DOCK8: variants seen among roughly 807,000 people sequenced by gnomAD.
The protein encoded by DOCK8 is dedicator of cytokinesis protein 8.
Under a neutral mutation model 245.6 loss-of-function variants are expected in DOCK8, and 141 were observed. The observed-to-expected ratio is 0.57, with a 90% CI of 0.50 to 0.66. The LOEUF (loss-of-function observed/expected upper bound fraction) is 0.66, where lower values mean the gene tolerates loss of function less well. Among genes scored for constraint, DOCK8 ranks in the 30% least tolerant of loss-of-function variants. DOCK8 has a pLI of 0.00. For synonymous variants in DOCK8, 1,168 were observed against 970.2 expected (o/e 1.20, Z -3.79); for missense variants, 2,965 against 2,603.4 (o/e 1.14, Z -3.02).
intron 26 of DOCK8, among the ~76,000 whole-genome samples, chr9:400,044 C>CACCACCAGCA (rs796538594): frequency 2.2e-5 from 2 of 92,748 alleles, no homozygotes; most frequent in Non-Finnish European, 4.4e-5. Flanking sequence ...CCACCACCAC[C>CACCACCAGCA]TCCACCATCA....
At position 336,711 on chromosome 9, in the gene DOCK8, T is replaced by A; in HGVS notation, c.1415T>A (p.Phe472Tyr). ...TCCACTCTGAGCGTTAGCAGCTTTT[T>A]CAAGCAGGTATCTCTTCACATTACA... ...KTSTLSVSSF[F>Y]KQEGDRLSDE... is the part of the protein sequence containing the mutation. The change falls in exon 12 of 48, where the codon TTC becomes TAC. Residue 472 changes from phenylalanine to tyrosine, a missense_variant. Around this residue, in one of 3 missense-constraint regions of DOCK8, gnomAD observed 2,825 missense variants for 2,453.5 expected, o/e 1.15. Coordinates refer to ENST00000432829, the MANE Select transcript of DOCK8 (RefSeq NM_203447.4). 1.2e-6 allele frequency: 2 copies of A among 1,614,024 alleles called. No homozygotes were observed. The highest frequency in any genetic ancestry group is 1.7e-6 in the Non-Finnish European group (2 of 1,179,932).
rs190773447 is a variant in DOCK8, at chr9:323,482, A to G, written c.828-2189A>G. ...ATGATCCGCTTGCCTCGGCCTCCCA[A>G]AGTGCTGGGATTACAGGCATGAGCC... On this transcript the variant is annotated intron_variant, in intron 7 of 47. Transcript: ENST00000432829. 1.4e-3 allele frequency among the ~76,000 whole-genome samples: 209 copies of G among 152,152 alleles called. 1 individual carries two copies. Among genetic ancestry groups the G allele is most frequent in the African/African-American group, 4.8e-3 (200 of 41,514 alleles).
intron 7 of DOCK8, among the ~76,000 whole-genome samples, chr9:324,704 C>G (rs544875995): frequency 3.9e-5 from 6 of 152,302 alleles, no homozygotes; most frequent in African/African-American, 1.2e-4. Context: ...TCATCCCCAT[C>G]AAAACCCAGC....
chr9:414,122 A>G (rs1210179548), intron 28 of DOCK8, among the ~76,000 whole-genome samples: 1 of 138,684 alleles, frequency 7.2e-6, no homozygotes, highest in Non-Finnish European at 1.5e-5. Context: ...AGCCTGAACA[A>G]CTCCATGTCA....
At chr9:333,431 C>G (rs896162027) in intron 10 of DOCK8, among the ~76,000 whole-genome samples, 4 of 151,840 alleles carry the variant, frequency 2.6e-5, no homozygotes, top group Non-Finnish European at 5.9e-5. Flanking sequence ...GAAACCCCGT[C>G]TCTGCTAAAA....
At chr9:432,759 A>C (rs142490784) in intron 37 of DOCK8, among the ~76,000 whole-genome samples, 44 of 152,282 alleles carry the variant, frequency 2.9e-4, no homozygotes, top group African/African-American at 3.4e-4. Flanking sequence ...AATTGTGAGT[A>C]GTTGAAACAA....
chr9:244,472 T>C (rs2047457390), intron 1 of DOCK8, among the ~76,000 whole-genome samples: 1 of 152,086 alleles, frequency 6.6e-6, no homozygotes, highest in South Asian at 2.1e-4. Context: ...GAGCACTCTC[T>C]ACTGTTTCTT....
intron 14 of DOCK8, among the ~76,000 whole-genome samples, chr9:361,726 G>A (rs1038048541): frequency 2.0e-5 from 3 of 152,052 alleles, no homozygotes; most frequent in Non-Finnish European, 4.4e-5. Flanking sequence ...TAAAAAAGGC[G>A]TAGATTTCAT....
chr9:347,816 A>T (rs1304633412), intron 14 of DOCK8, among the ~76,000 whole-genome samples: 1 of 152,176 alleles, frequency 6.6e-6, no homozygotes, highest in Non-Finnish European at 1.5e-5. Flanking sequence ...GAATGAAAAA[A>T]TTCAGGAGGG....
Position 406,933 on chromosome 9 carries a change from T to C in DOCK8, c.3394T>C (p.Ser1132Pro). Reference protein sequence around the residue: ...SPCPSISSQNSSSCSSFQDQK... With the variant: ...SPCPSISSQNPSSCSSFQDQK... ...ATGGCTCCTTACGTTTCTGTAGAACTCAAGCTCCTGCTCCAGCTTCCAGGA... is the reference window on the plus strand; with the variant it reads ...ATGGCTCCTTACGTTTCTGTAGAACCCAAGCTCCTGCTCCAGCTTCCAGGA... Residue 1132 changes from serine (S) to proline (P), a missense_variant, in exon 28 of 48, where the codon TCA becomes CCA. Physicochemically the swap from Ser to Pro is moderately conservative, Grantham distance 74 (BLOSUM62 -1). Coordinates refer to ENST00000432829, the MANE Select transcript of DOCK8 (RefSeq NM_203447.4). 6.2e-7 allele frequency: 1 copy of C among 1,614,106 alleles called. No homozygotes were observed. Among genetic ancestry groups the C allele is most frequent in the Non-Finnish European group, 8.5e-7 (1 of 1,180,018 alleles).
At chr9:336,269 G>C (rs977962988) in intron 11 of DOCK8, among the ~76,000 whole-genome samples, 1 of 152,204 alleles carries the variant, frequency 6.6e-6, no homozygotes, top group Non-Finnish European at 1.5e-5. Context: ...ACTAAATAAA[G>C]CTTATCAGGA....
Position 418,227 on chromosome 9 carries a change from T to C in DOCK8, c.3840+20T>C, listed in dbSNP as rs1364329995. On this transcript the variant is annotated intron_variant, in intron 30 of 47. Transcript: ENST00000432829. ...TCCTTGGTATGTTGGTGCACATGTG[T>C]CTGGTTGATTTTTCATTTCATGTCT... The C allele has an allele frequency of 1.2e-6, 2 of 1,613,976 alleles. No individual in the cohort carries two copies. The highest frequency in any genetic ancestry group is 1.1e-5 in the South Asian group (1 of 91,082).
At chr9:432,445 T>C (rs545184454) in intron 37 of DOCK8, 121 bp downstream of exon 37, 33 of 974,170 alleles carry the variant, frequency 3.4e-5, no homozygotes, top group East Asian at 8.0e-5. Context: ...CAAGTATTTA[T>C]TGTCCAATAT....
intron 37 of DOCK8, among the ~76,000 whole-genome samples, 187 bp from the exon 38 acceptor site, chr9:433,688 C>G (rs775278612): frequency 2.6e-5 from 4 of 152,220 alleles, no homozygotes; most frequent in African/African-American, 9.7e-5. Flanking sequence ...ACATCCAGGT[C>G]TCATAAACTC....
chr9:211,416 G>A (rs1424527459), upstream of DOCK8, among the ~76,000 whole-genome samples: 1 of 152,032 alleles, frequency 6.6e-6, no homozygotes, highest in Non-Finnish European at 1.5e-5. Context: ...AGCTAAATGA[G>A]CAGAGAAGAA....
At chr9:412,788 A>G (rs2055806917) in intron 28 of DOCK8, among the ~76,000 whole-genome samples, 1 of 152,202 alleles carries the variant, frequency 6.6e-6, no homozygotes, top group Admixed American at 6.5e-5. Context: ...TCATATGTTC[A>G]TGAATCAGAA....
Position 433,929 on chromosome 9 carries a change from A to T in DOCK8, c.4840A>T (p.Arg1614Trp). Reference sequence around the variant, plus strand: ...CATCTTATATGACACAGTGAAAATGAGGGAATTTCAGGAAGATCCTGAGAT... The same window carrying T: ...CATCTTATATGACACAGTGAAAATGTGGGAATTTCAGGAAGATCCTGAGAT... ...NSILYDTVKMREFQEDPEMLM... is the reference protein window; with the variant it reads ...NSILYDTVKMWEFQEDPEMLM... Residue 1614 changes from arginine (R) to tryptophan (W), a missense_variant, in exon 38 of 48, where the codon AGG becomes TGG. Arg to Trp is a moderately radical substitution (Grantham distance 101, BLOSUM62 -3). Coordinates refer to ENST00000432829, the MANE Select transcript of DOCK8 (RefSeq NM_203447.4). 1 of 1,614,140 alleles carries T rather than the reference A, an allele frequency of 6.2e-7. No individual in the cohort carries two copies.
chr9:421,052 G>A lies in DOCK8; in HGVS notation c.4127G>A (p.Gly1376Glu). 6.2e-7 allele frequency: 1 copy of A among 1,614,210 alleles called. No individual in the cohort carries two copies. The highest frequency in any genetic ancestry group is 8.5e-7 in the Non-Finnish European group (1 of 1,180,044). ...TTGCTCCGTGGGGAAGGGGCCAGAG[G>A]GGAGATGATGCGCCGCCGGGCTCCA... is the stretch of plus-strand genomic sequence containing the variant. ...EALLRGEGAR[G>E]EMMRRRAPGN... Residue 1376 changes from glycine to glutamate, a missense_variant, in exon 32 of 48, where the codon GGG becomes GAG. Gly to Glu is a moderately conservative substitution (Grantham distance 98). Coordinates refer to ENST00000432829, the MANE Select transcript of DOCK8 (RefSeq NM_203447.4).
chr9:289,373 A>G, intron 3 of DOCK8, 137 bp from the exon 4 acceptor site: 1 of 719,624 alleles, frequency 1.4e-6, no homozygotes. Context: ...AGACATTTGG[A>G]ATGATTGGGC....
Sources: gnomAD v4.1 joint callset for allele counts (sites outside exome capture counted in the v4.1 genomes callset) on GRCh38, gnomAD v4.1.1 for gene constraint, gnomAD v4.1.1 regional missense constraint, MANE v1.5 for transcripts, NCBI Gene and HGNC (gene_info 2026-07-23, HGNC 2026-07-21) for gene names.